ATRN: variants seen among roughly 807,000 people sequenced by gnomAD.
The protein encoded by ATRN is attractin-2.
Under a neutral mutation model 178.7 loss-of-function variants are expected in ATRN, and 54 were observed. That is an observed-to-expected ratio of 0.30 (90% CI 0.24 to 0.38). ATRN has a LOEUF of 0.38. Among genes scored for constraint, ATRN ranks in the 10% least tolerant of loss-of-function variants. ATRN has a pLI of 1.00. For missense variants in ATRN, 1,443 were observed against 1,815.1 expected, an observed-to-expected ratio of 0.79 and a Z score of 3.73; for synonymous variants, 636 against 663.0, an observed-to-expected ratio of 0.96 and a Z score of 0.63.
At chr20:3,481,342 T>C (rs1337866981) in intron 1 of ATRN, among the ~76,000 whole-genome samples, 1 of 152,166 alleles carries the variant, frequency 6.6e-6, no homozygotes, top group Non-Finnish European at 1.5e-5. Context: ...TGCTAGTGGA[T>C]TGATCTTCGA....
chr20:3,646,883 T>C lies in ATRN; in HGVS notation c.*36T>C. 1.9e-6 allele frequency: 3 copies of C among 1,610,760 alleles called. No homozygotes were observed. Among genetic ancestry groups the C allele is most frequent in the East Asian group, 2.2e-5 (1 of 44,834 alleles). On this transcript the variant is annotated 3_prime_UTR_variant, in exon 29 of 29. Coordinates refer to ENST00000262919, the MANE Select transcript of ATRN (RefSeq NM_139321.3). ...AGGGACTCTCCCACGCACGAGCTAG[T>C]GAGTGGCACACCAGAGCCATCTGCA...
intron 24 of ATRN, among the ~76,000 whole-genome samples, chr20:3,619,247 A>G (rs2086877695): frequency 6.6e-6 from 1 of 152,236 alleles, no homozygotes; most frequent in Non-Finnish European, 1.5e-5. Context: ...TCTCCATGGT[A>G]GAAATAATGC....
intron 3 of ATRN, among the ~76,000 whole-genome samples, chr20:3,544,751 T>C (rs1389598180): frequency 1.3e-5 from 2 of 152,004 alleles, no homozygotes; most frequent in African/African-American, 4.8e-5. Flanking sequence ...AAATCACATA[T>C]CTCTTCTGGA....
intron 9 of ATRN, 33 bp downstream of exon 9, chr20:3,562,492 G>A (rs766403198): frequency 1.2e-6 from 2 of 1,605,566 alleles, no homozygotes; most frequent in East Asian, 2.2e-5. Flanking sequence ...TCACTTTAAG[G>A]TGTAAATTCT....
chr20:3,580,445 T>C (rs1317869940), intron 15 of ATRN, among the ~76,000 whole-genome samples: 1 of 152,134 alleles, frequency 6.6e-6, no homozygotes, highest in African/African-American at 2.4e-5. Context: ...ACAACTGAAG[T>C]GTAATGTCCT....
chr20:3,605,681 C>A (rs1014707531), intron 24 of ATRN, among the ~76,000 whole-genome samples: 1 of 152,140 alleles, frequency 6.6e-6, no homozygotes, highest in Non-Finnish European at 1.5e-5. Flanking sequence ...CACATGTTCT[C>A]ACTCGTAAGT....
intron 1 of ATRN, among the ~76,000 whole-genome samples, chr20:3,500,941 A>G (rs2084955285): frequency 6.6e-6 from 1 of 152,170 alleles, no homozygotes; most frequent in South Asian, 2.1e-4. Flanking sequence ...GTATATTTAC[A>G]TTTAGTTATA....
intron 1 of ATRN, among the ~76,000 whole-genome samples, chr20:3,530,342 C>T (rs1312258585): frequency 6.6e-6 from 1 of 150,600 alleles, no homozygotes; most frequent in Non-Finnish European, 1.5e-5. Context: ...CAGCTCACTG[C>T]AGCCTCTGCC....
chr20:3,499,770 A>G (rs1369173872), intron 1 of ATRN, among the ~76,000 whole-genome samples: 32 of 151,072 alleles, frequency 2.1e-4, no homozygotes, highest in Non-Finnish European at 1.8e-4. Context: ...GGACGTAGGC[A>G]TGGGCAAGGA....
Position 3,591,323 on chromosome 20 carries a change from A to G in ATRN, c.3322+17A>G, listed in dbSNP as rs777131855. 2 of 1,610,146 alleles carry G rather than the reference A, an allele frequency of 1.2e-6. No individual in the cohort carries two copies. The highest frequency in any genetic ancestry group is 1.7e-6 in the Non-Finnish European group (2 of 1,177,732). On this transcript the variant is annotated intron_variant, in intron 19 of 28. Transcript: ENST00000262919. ...AATGTCAGCGTAAGTCAAATTGGTC[A>G]GGTTTACTCATGGCAAATCGGTGTG...
intron 1 of ATRN, among the ~76,000 whole-genome samples, chr20:3,522,013 T>C (rs1448820396): frequency 2.0e-5 from 3 of 151,990 alleles, no homozygotes; most frequent in Non-Finnish European, 4.4e-5. Flanking sequence ...TGGTCTTAAA[T>C]TCCTGGCCTC....
intron 6 of ATRN, among the ~76,000 whole-genome samples, chr20:3,559,020 T>C (rs1268123478): frequency 6.6e-6 from 1 of 152,240 alleles, no homozygotes; most frequent in Non-Finnish European, 1.5e-5. Flanking sequence ...ATCCCTTTTT[T>C]GGTACCTATC....
chr20:3,493,358 C>T (rs1276463010), intron 1 of ATRN, among the ~76,000 whole-genome samples: 3 of 150,478 alleles, frequency 2.0e-5, no homozygotes, highest in South Asian at 2.1e-4. Flanking sequence ...TGGGGTCTCA[C>T]GATGATGCCT....
intron 1 of ATRN, among the ~76,000 whole-genome samples, chr20:3,475,806 G>A (rs937482781): frequency 5.3e-5 from 8 of 152,190 alleles, no homozygotes; most frequent in African/African-American, 1.9e-4. Flanking sequence ...AAAAAAGAAA[G>A]GAACTAAGCA....
chr20:3,478,546 G>T (rs749486600), intron 1 of ATRN, among the ~76,000 whole-genome samples: 2 of 152,120 alleles, frequency 1.3e-5, no homozygotes, highest in Non-Finnish European at 2.9e-5. Flanking sequence ...TGGGTAGGGG[G>T]ATAGGGGAGG....
intron 25 of ATRN, among the ~76,000 whole-genome samples, chr20:3,625,212 TA>T (rs2086928121): frequency 6.6e-6 from 1 of 152,236 alleles, no homozygotes; most frequent in Non-Finnish European, 1.5e-5. Flanking sequence ...GTTTTTCAGT[TA>T]AGTTCTCTTT....
intron 24 of ATRN, among the ~76,000 whole-genome samples, chr20:3,615,279 A>G (rs982921090): frequency 1.7e-4 from 26 of 151,824 alleles, no homozygotes; most frequent in African/African-American, 6.3e-4. Flanking sequence ...AGTACAAAAA[A>G]TTAGCTGGGC....
At chr20:3,618,463 G>A (rs1414850383) in intron 24 of ATRN, among the ~76,000 whole-genome samples, 1 of 152,214 alleles carries the variant, frequency 6.6e-6, no homozygotes, top group African/African-American at 2.4e-5. Flanking sequence ...TAGCCTTTCA[G>A]TACCTTTTGA....
intron 12 of ATRN, among the ~76,000 whole-genome samples, chr20:3,574,805 C>T (rs1427015151): frequency 1.3e-5 from 2 of 152,192 alleles, no homozygotes; most frequent in East Asian, 3.9e-4. Flanking sequence ...GGGCCCAGTC[C>T]TTGGGATAAT....
Sources: gnomAD v4.1 joint callset for allele counts (sites outside exome capture counted in the v4.1 genomes callset) on GRCh38, gnomAD v4.1.1 for gene constraint, MANE v1.5 for transcripts, NCBI Gene and HGNC (gene_info 2026-07-23, HGNC 2026-07-21) for gene names.